The following GFRA1 variants were observed in gnomAD, a reference collection of about 807,000 sequenced individuals.
GFRA1 encodes the protein GDNF family receptor alpha-1.
Under a neutral mutation model 51.6 loss-of-function variants are expected in GFRA1, and 16 were observed. That is an observed-to-expected ratio of 0.31 (90% confidence interval 0.21 to 0.47). The LOEUF (loss-of-function observed/expected upper bound fraction) is 0.47. Ranked by LOEUF, GFRA1 falls within the 20% of genes least tolerant of loss-of-function variation. The pLI, the probability that GFRA1 is intolerant of heterozygous loss-of-function variation, is 1.00. For missense variants in GFRA1, 530 were observed against 594.3 expected (o/e 0.89, Z 1.13); for synonymous variants, 270 against 241.3 (o/e 1.12, Z -1.10).
chr10:116,225,512 C>T lies in GFRA1; in HGVS notation c.419-13867G>A, dbSNP rs573365079. Among the ~76,000 whole-genome samples the T allele has an allele frequency of 2.2e-4, 25 of 111,500 alleles. No individual in the cohort carries two copies. The East Asian group carries it at 3.7e-3, about 17-fold the overall frequency. The allele number at this position is 111,500 out of a possible 152,430, so 73.1% of individuals were successfully genotyped here. ...GTCATGCCACTGCACTCCAGCCTGGCGACAGAGCAAGAGTCTGTCTCCAAA... is the reference window on the plus strand; with the variant it reads ...GTCATGCCACTGCACTCCAGCCTGGTGACAGAGCAAGAGTCTGTCTCCAAA... On this transcript the variant is annotated intron_variant, in intron 4 of 10. Coordinates refer to ENST00000355422, the MANE Select transcript of GFRA1 (RefSeq NM_005264.8).
At position 116,125,574 on chromosome 10, in the gene GFRA1, A is replaced by G. The variant is rs1434055060; in HGVS notation, c.434-17T>C. 1.3e-6 allele frequency: 2 copies of G among 1,597,348 alleles called. No homozygotes were observed. The highest frequency in any genetic ancestry group is 3.4e-5 in the Admixed American group (2 of 59,286). On this transcript the variant is annotated splice_polypyrimidine_tract_variant and intron_variant, in intron 5 of 10. Coordinates refer to ENST00000355422, the MANE Select transcript of GFRA1 (RefSeq NM_005264.8). ...TGTGCTCCACTGCAAATGCAGAGAA[A>G]GACAGGCATGGTCACAGTGCTCGGC...
Position 116,064,480 on chromosome 10 carries a change from G to C in GFRA1, c.1316C>G (p.Pro439Arg). The change falls in exon 11 of 11, where the codon CCT (proline) becomes CGT (arginine). Residue 439 changes from proline (P) to arginine (R), a missense_variant. Coordinates refer to ENST00000355422, the MANE Select transcript of GFRA1 (RefSeq NM_005264.8). ...CAGTGGGCTCAGACCACAGCTTGGA[G>C]GAGCAGCCATTGATTTTGTGGTTAT... ...SHITTKSMAA[P>R]PSCGLSPLLV... The C allele has an allele frequency of 6.2e-7, 1 of 1,613,236 alleles. No individual in the cohort carries two copies. The highest frequency in any genetic ancestry group is 1.7e-4 in the Middle Eastern group (1 of 5,918).
chr10:116,129,383 T>C (rs1316117255), intron 5 of GFRA1, among the ~76,000 whole-genome samples: 4 of 152,314 alleles, frequency 2.6e-5, no homozygotes, highest in South Asian at 4.1e-4. Flanking sequence ...TATTTAAAAA[T>C]ATATGTAATT....
Position 116,115,160 on chromosome 10 carries a change from G to T in GFRA1, c.770+10061C>A, listed in dbSNP as rs138565828. Among the ~76,000 whole-genome samples, 103 of 152,250 alleles carry T rather than the reference G, an allele frequency of 6.8e-4. 1 individual carries two copies. The highest frequency in any genetic ancestry group is 1.3e-3 in the Non-Finnish European group (86 of 68,026). ...ATAATTAATTGCCTTTGGAAATGAC[G>T]AGCAATTTCCCATTCACTGAGTTGG... On this transcript the variant is annotated intron_variant, in intron 6 of 10. Coordinates refer to ENST00000355422, the MANE Select transcript of GFRA1 (RefSeq NM_005264.8).
At chr10:116,140,846 C>T (rs548844293) in intron 5 of GFRA1, among the ~76,000 whole-genome samples, 8 of 152,306 alleles carry the variant, frequency 5.3e-5, no homozygotes, top group Non-Finnish European at 1.2e-4. Flanking sequence ...GGAAAGGAAT[C>T]ACAATCACCT....
At chr10:116,108,739 C>T (rs970550489) in intron 6 of GFRA1, among the ~76,000 whole-genome samples, 1 of 152,216 alleles carries the variant, frequency 6.6e-6, no homozygotes, top group Non-Finnish European at 1.5e-5. Context: ...GAGCAGGGTG[C>T]CAGCTTCAGC....
chr10:116,126,943 C>A (rs1957901589), intron 5 of GFRA1, among the ~76,000 whole-genome samples: 1 of 152,124 alleles, frequency 6.6e-6, no homozygotes, highest in Admixed American at 6.5e-5. Context: ...CAATGCGTAA[C>A]AACATGGATA....
rs1022992377 is a variant in GFRA1 at position 116,064,032 on chromosome 10, G to A, written c.*366C>T. On this transcript the variant is annotated 3_prime_UTR_variant, in exon 11 of 11. Transcript: ENST00000355422. ...GCTAGGAAAGGCCAGAAGTAAAACT[G>A]TTAAAATCATCATCATGATCATGAT... The A allele has an allele frequency of 2.9e-5, 5 of 174,342 alleles. No homozygotes were observed. Among genetic ancestry groups the A allele is most frequent in the Non-Finnish European group, 5.8e-5 (5 of 86,484 alleles). The allele number at this position is 174,342 out of a possible 1,614,324, so 10.8% of individuals were successfully genotyped here. A position where few individuals can be genotyped will look rare whatever the true frequency, so the allele number is the denominator to read the frequency against.
chr10:116,121,558 C>T (rs1360334243), intron 6 of GFRA1, among the ~76,000 whole-genome samples: 3 of 152,196 alleles, frequency 2.0e-5, no homozygotes, highest in African/African-American at 7.2e-5. Context: ...GAGGCACTGT[C>T]GGACCCTGGG....
In GFRA1 at chr10:116,196,670, A is replaced by T. The variant is rs1319465499; in HGVS notation, c.433+14961T>A. ...ATAATATATATATAGTACTATATAT[A>T]ATATATATAATATATAGTACTATAT... On this transcript the variant is annotated intron_variant, in intron 5 of 10. Coordinates refer to ENST00000355422, the MANE Select transcript of GFRA1 (RefSeq NM_005264.8). Among the ~76,000 whole-genome samples, 10 of 42,732 alleles carry T rather than the reference A, an allele frequency of 2.3e-4. 1 individual carries two copies. Among genetic ancestry groups the T allele is most frequent in the African/African-American group, 6.3e-4 (5 of 7,982 alleles). 28.0% of individuals were successfully genotyped at this position (42,732 alleles called of 152,430 possible).
At chr10:116,104,336 TC>T (rs1956928303) in intron 6 of GFRA1, among the ~76,000 whole-genome samples, 1 of 152,208 alleles carries the variant, frequency 6.6e-6, no homozygotes, top group African/African-American at 2.4e-5. Context: ...CTCAGCCTCA[TC>T]CTGATACATG....
intron 9 of GFRA1, among the ~76,000 whole-genome samples, chr10:116,069,403 G>A (rs1420185762): frequency 3.3e-5 from 5 of 152,078 alleles, no homozygotes; most frequent in African/African-American, 9.7e-5. Flanking sequence ...TCTTGAGAAC[G>A]GGAAGATGAA....
chr10:116,272,181 C>A lies in GFRA1; in HGVS notation c.-152G>T, dbSNP rs1844011800. 3 of 733,376 alleles carry A rather than the reference C, an allele frequency of 4.1e-6. No individual in the cohort carries two copies. Among genetic ancestry groups the A allele is most frequent in the South Asian group, 1.6e-5 (1 of 61,130 alleles). The allele number at this position is 733,376 out of a possible 1,614,324, so 45.4% of individuals were successfully genotyped here. A position where few individuals can be genotyped will look rare whatever the true frequency, so the allele number is the denominator to read the frequency against. On this transcript the variant is annotated 5_prime_UTR_variant, in exon 2 of 11. Coordinates refer to ENST00000355422, the MANE Select transcript of GFRA1 (RefSeq NM_005264.8). This position sits in a 1 kb window ranked among gnomAD's most constrained non-coding sequence, Gnocchi z 4.4. ...CTCCATCCAGTGAAAGAGGAAACTC[C>A]GGGTCTGGCAGCAGCCACCGCCGCC... is the stretch of plus-strand genomic sequence containing the variant.
chr10:116,251,199 C>T (rs1589911713), intron 4 of GFRA1, among the ~76,000 whole-genome samples: 1 of 152,342 alleles, frequency 6.6e-6, no homozygotes, highest in Non-Finnish European at 1.5e-5. Context: ...TTCATCCTGT[C>T]CATGCCAATG....
intron 5 of GFRA1, among the ~76,000 whole-genome samples, chr10:116,138,324 A>G (rs1405849997): frequency 6.6e-6 from 1 of 152,180 alleles, no homozygotes; most frequent in East Asian, 1.9e-4. Flanking sequence ...ACTTCCAGGC[A>G]CTTCCAATGA....
chr10:116,176,454 C>T (rs1413351111), intron 5 of GFRA1, among the ~76,000 whole-genome samples: 1 of 152,042 alleles, frequency 6.6e-6, no homozygotes, highest in Non-Finnish European at 1.5e-5. Context: ...ATGGTGTTCT[C>T]GGGAGATCTG....
intron 5 of GFRA1, among the ~76,000 whole-genome samples, chr10:116,196,813 A>G (rs1200626870): frequency 8.5e-6 from 1 of 117,490 alleles, no homozygotes; most frequent in Non-Finnish European, 1.8e-5. Flanking sequence ...ATAAATATAT[A>G]AATATAAAAA....
At chr10:116,265,649 C>T (rs763859214) in intron 4 of GFRA1, among the ~76,000 whole-genome samples, 1 of 152,220 alleles carries the variant, frequency 6.6e-6, no homozygotes, top group South Asian at 2.1e-4. Flanking sequence ...GCAGAGATCT[C>T]GGCCGGGAGA....
intron 5 of GFRA1, among the ~76,000 whole-genome samples, chr10:116,205,932 A>T (rs1045036760): frequency 2.4e-4 from 25 of 105,972 alleles, no homozygotes; most frequent in African/African-American, 9.1e-4. Context: ...CATATCACAC[A>T]CACACACACA....
Sources: gnomAD v4.1 joint callset for allele counts (sites outside exome capture counted in the v4.1 genomes callset) on GRCh38, gnomAD v4.1.1 for gene constraint, Gnocchi (gnomAD v3.1) non-coding constraint, MANE v1.5 for transcripts, NCBI Gene and HGNC (gene_info 2026-07-23, HGNC 2026-07-21) for gene names.